Variants in OR14J1 observed in about 807,000 individuals in gnomAD.
OR14J1 encodes olfactory receptor family 14 subfamily J member 1.
For synonymous variants in OR14J1, 140 were observed against 146.7 expected, an observed-to-expected ratio of 0.95 and a Z score of 0.33; for missense variants, 378 against 393.4, an observed-to-expected ratio of 0.96 and a Z score of 0.33.
In OR14J1 at chr6:29,306,852, T is replaced by TC; in HGVS notation, c.168dup (p.Met57HisfsTer63). On this transcript the variant is annotated frameshift_variant, in exon 2 of 2. Coordinates refer to ENST00000641895, the MANE Select transcript of OR14J1 (RefSeq NM_030946.2). LOFTEE classifies it low-confidence loss of function (END_TRUNC). The stretch of plus-strand genomic sequence containing the variant: ...CATTACCGTGGACCGTCGTCTCCAT[T>TC]CCCCCATGTATTACTTTTTAAAGCA... The TC allele has an allele frequency of 6.2e-7, 1 of 1,613,060 alleles. No homozygotes were observed. The highest frequency in any genetic ancestry group is 8.5e-7 in the Non-Finnish European group (1 of 1,179,998).
In OR14J1 at chr6:29,311,754, T is replaced by A. The variant is rs1224691666; in HGVS notation, c.*4099T>A. On this transcript the variant is annotated 3_prime_UTR_variant, in exon 2 of 2. Transcript: ENST00000641895. ...CTGTCTGGTTCTGGGCTTTTCTTGGTTGGTAGGCTATTAACTACTACCTCC... is the reference window on the plus strand; with the variant it reads ...CTGTCTGGTTCTGGGCTTTTCTTGGATGGTAGGCTATTAACTACTACCTCC... The A allele has an allele frequency of 6.6e-6, 1 of 152,218 alleles. No homozygotes were observed. The highest frequency in any genetic ancestry group is 1.9e-4 in the East Asian group (1 of 5,202). The allele number at this position is 152,218 out of a possible 1,614,324, so 9.4% of individuals were successfully genotyped here.
Position 29,307,005 on chromosome 6 carries a change from G to A in OR14J1, c.316G>A (p.Ala106Thr). Residue 106 changes from alanine to threonine, a missense_variant, in exon 2 of 2, where the codon GCC becomes ACC. By Grantham distance (58) the Ala-to-Thr change is moderately conservative (BLOSUM62 0). Coordinates refer to ENST00000641895, the MANE Select transcript of OR14J1 (RefSeq NM_030946.2). ...TCAGGTTTTCTTCTTCATAGCTCTGGCCTCATCAGAAGTGGCCATTCTCAC... is the reference window on the plus strand; with the variant it reads ...TCAGGTTTTCTTCTTCATAGCTCTGACCTCATCAGAAGTGGCCATTCTCAC... ...ILQVFFFIALASSEVAILTVM... is the reference protein window; with the variant it reads ...ILQVFFFIALTSSEVAILTVM... 1 of 1,612,976 alleles carries A rather than the reference G, an allele frequency of 6.2e-7. No individual in the cohort carries two copies. The highest frequency in any genetic ancestry group is 1.7e-5 in the Admixed American group (1 of 60,012).
chr6:29,303,731 T>TATCTATC (rs1554297280), intron 1 of OR14J1, among the ~76,000 whole-genome samples: 1 of 146,778 alleles, frequency 6.8e-6, no homozygotes. Flanking sequence ...TCTATCTATC[T>TATCTATC]ATCATCTATC....
chr6:29,306,072 T>C (rs984305403), intron 1 of OR14J1, among the ~76,000 whole-genome samples: 1 of 152,216 alleles, frequency 6.6e-6, no homozygotes, highest in Non-Finnish European at 1.5e-5. Flanking sequence ...CATCTGCATT[T>C]TACAATTTTG....
In OR14J1 at chr6:29,307,120, T is replaced by C. The variant is rs781401620; in HGVS notation, c.431T>C (p.Ile144Thr). 2 of 1,612,952 alleles carry C rather than the reference T, an allele frequency of 1.2e-6. No individual in the cohort carries two copies. The highest frequency in any genetic ancestry group is 1.1e-5 in the South Asian group (1 of 91,080). Residue 144 changes from isoleucine (I) to threonine (T), a missense_variant, in exon 2 of 2, where the codon ATA (isoleucine) becomes ACA (threonine). Ile to Thr is a moderately conservative substitution (Grantham distance 89). Transcript: ENST00000641895. ...CCCCGTGCCTGTAGGCATGCAGTGATAGCTGTGTGGATTGCTGGGGGCCTC... is the reference window on the plus strand; with the variant it reads ...CCCCGTGCCTGTAGGCATGCAGTGACAGCTGTGTGGATTGCTGGGGGCCTC... ...MDPRACRHAV[I>T]AVWIAGGLSG...
rs1775233761 is a variant in OR14J1 at position 29,307,956 on chromosome 6, A to C, written c.*301A>C. On this transcript the variant is annotated 3_prime_UTR_variant, in exon 2 of 2. Transcript: ENST00000641895. Reference sequence around the variant, plus strand: ...TAACAAATAAGGTTGGAGATAGATGAAGCTAACTGGGTTAATATTATGGTG... The same window carrying C: ...TAACAAATAAGGTTGGAGATAGATGCAGCTAACTGGGTTAATATTATGGTG... 4.2e-6 allele frequency: 1 copy of C among 240,454 alleles called. No individual in the cohort carries two copies. The highest frequency in any genetic ancestry group is 9.9e-5 in the South Asian group (1 of 10,136). The allele number at this position is 240,454 out of a possible 1,614,324, so 14.9% of individuals were successfully genotyped here.
chr6:29,305,858 A>G (rs1002791118), intron 1 of OR14J1, among the ~76,000 whole-genome samples: 1 of 152,124 alleles, frequency 6.6e-6, no homozygotes, highest in Non-Finnish European at 1.5e-5. Context: ...ACAGCACTAG[A>G]AAGATATATA....
intron 1 of OR14J1, among the ~76,000 whole-genome samples, chr6:29,305,097 CCT>C (rs1243824790): frequency 6.6e-6 from 1 of 152,056 alleles, no homozygotes; most frequent in Non-Finnish European, 1.5e-5. Context: ...GAAAGTAACC[CCT>C]GTTTTCCTCT....
intron 1 of OR14J1, among the ~76,000 whole-genome samples, chr6:29,305,115 C>A (rs915835613): frequency 6.6e-6 from 1 of 152,104 alleles, no homozygotes; most frequent in Non-Finnish European, 1.5e-5. Flanking sequence ...CCTCTGATTC[C>A]TACTGCCATG....
rs1011038071 is a variant in OR14J1 at position 29,311,100 on chromosome 6, A to T, written c.*3445A>T. On this transcript the variant is annotated 3_prime_UTR_variant, in exon 2 of 2. Transcript: ENST00000641895. ...CTCTCTTTCTATTTGAATACCTTTT[A>T]TTTTTTTCTCTTGCCTGATTGCCCT... 6.6e-6 allele frequency: 1 copy of T among 151,862 alleles called. No homozygotes were observed. The highest frequency in any genetic ancestry group is 2.4e-5 in the African/African-American group (1 of 41,316). 9.4% of individuals were successfully genotyped at this position (151,862 alleles called of 1,614,324 possible).
At position 29,307,183 on chromosome 6, in the gene OR14J1, C is replaced by A; in HGVS notation, c.494C>A (p.Pro165His). The A allele has an allele frequency of 6.2e-7, 1 of 1,613,054 alleles. No homozygotes were observed. The highest frequency in any genetic ancestry group is 8.5e-7 in the Non-Finnish European group (1 of 1,180,018). Residue 165 changes from proline to histidine, a missense_variant, in exon 2 of 2, where the codon CCT (proline) becomes CAT (histidine). By Grantham distance (77) the Pro-to-His change is moderately conservative. Transcript: ENST00000641895. ...CATGCTGCCATTAACTTCTCCATACCTCTCTGTGGGAAGAGAGTCATTCAC... is the reference window on the plus strand; with the variant it reads ...CATGCTGCCATTAACTTCTCCATACATCTCTGTGGGAAGAGAGTCATTCAC... ...LMHAAINFSIPLCGKRVIHQF... is the reference protein window; with the variant it reads ...LMHAAINFSIHLCGKRVIHQF...
Position 29,310,042 on chromosome 6 carries a change from T to C in OR14J1, c.*2387T>C, listed in dbSNP as rs957671239. ...TTGTCAGATGGATAGATTACAAAAATTTTCTCCCATTCTGTAGGTTGCCTA... is the reference window on the plus strand; with the variant it reads ...TTGTCAGATGGATAGATTACAAAAACTTTCTCCCATTCTGTAGGTTGCCTA... On this transcript the variant is annotated 3_prime_UTR_variant, in exon 2 of 2. Coordinates refer to ENST00000641895, the MANE Select transcript of OR14J1 (RefSeq NM_030946.2). 5 of 152,152 alleles carry C rather than the reference T, an allele frequency of 3.3e-5. No individual in the cohort carries two copies. The highest frequency in any genetic ancestry group is 5.9e-5 in the Non-Finnish European group (4 of 68,030). 9.4% of individuals were successfully genotyped at this position (152,152 alleles called of 1,614,324 possible).
In OR14J1 at chr6:29,311,727, A is replaced by G. The variant is rs1251605781; in HGVS notation, c.*4072A>G. 1 of 152,118 alleles carries G rather than the reference A, an allele frequency of 6.6e-6. No homozygotes were observed. Among genetic ancestry groups the G allele is most frequent in the African/African-American group, 2.4e-5 (1 of 41,412 alleles). The allele number at this position is 152,118 out of a possible 1,614,324, so 9.4% of individuals were successfully genotyped here. On this transcript the variant is annotated 3_prime_UTR_variant, in exon 2 of 2. Transcript: ENST00000641895. ...TACTTGCGGTAGAATTCGTCTGTGA[A>G]TCTGTCTGGTTCTGGGCTTTTCTTG...
rs1775573188 is a variant in OR14J1 at position 29,312,251 on chromosome 6, A to G, written c.*4596A>G. On this transcript the variant is annotated 3_prime_UTR_variant, in exon 2 of 2. Coordinates refer to ENST00000641895, the MANE Select transcript of OR14J1 (RefSeq NM_030946.2). ...CTTTCTCCTGTGGGCATTTAGTGCT[A>G]TAAATTTCCCTTTAAACACTGCCTT... is the stretch of plus-strand genomic sequence containing the variant. The G allele has an allele frequency of 6.6e-6, 1 of 152,190 alleles. No individual in the cohort carries two copies. The highest frequency in any genetic ancestry group is 6.5e-5 in the Admixed American group (1 of 15,268). The allele number at this position is 152,190 out of a possible 1,614,324, so 9.4% of individuals were successfully genotyped here. A position where few individuals can be genotyped will look rare whatever the true frequency, so the allele number is the denominator to read the frequency against.
Position 29,311,481 on chromosome 6 carries a change from GC to G in OR14J1, c.*3827del, listed in dbSNP as rs2151200948. The G allele has an allele frequency of 6.6e-6, 1 of 152,312 alleles. No individual in the cohort carries two copies. Among genetic ancestry groups the G allele is most frequent in the African/African-American group, 2.4e-5 (1 of 41,564 alleles). 9.4% of individuals were successfully genotyped at this position (152,312 alleles called of 1,614,324 possible). On this transcript the variant is annotated 3_prime_UTR_variant, in exon 2 of 2. Transcript: ENST00000641895. The stretch of plus-strand genomic sequence containing the variant: ...AAGCTGACTTGATCATGGTAGATGA[GC>G]TTTTTGATGTGCTGCTGGATTCGGT...
In OR14J1 at chr6:29,312,961, G is replaced by A. The variant is rs1775631864; in HGVS notation, c.*5306G>A. 6.6e-6 allele frequency: 1 copy of A among 152,062 alleles called. No homozygotes were observed. Among genetic ancestry groups the A allele is most frequent in the Non-Finnish European group, 1.5e-5 (1 of 68,000 alleles). 9.4% of individuals were successfully genotyped at this position (152,062 alleles called of 1,614,324 possible). ...TCAACAAGGTTGAACATCTTTTCATGGACTTATTAGTTATTTGTGTGTCTT... is the reference window on the plus strand; with the variant it reads ...TCAACAAGGTTGAACATCTTTTCATAGACTTATTAGTTATTTGTGTGTCTT... On this transcript the variant is annotated 3_prime_UTR_variant, in exon 2 of 2. Transcript: ENST00000641895.
rs1261709925 is a variant in OR14J1 at position 29,308,890 on chromosome 6, ATACTT to A, written c.*1238_*1242del. On this transcript the variant is annotated 3_prime_UTR_variant, in exon 2 of 2. Transcript: ENST00000641895. ...ACATGAGATTTTTTCTTTTTTTTAT[ATACTT>A]TAAGCTCTGGGGTACATGTGCAGAA... 1 of 151,086 alleles carries A rather than the reference ATACTT, an allele frequency of 6.6e-6. No individual in the cohort carries two copies. The highest frequency in any genetic ancestry group is 1.5e-5 in the Non-Finnish European group (1 of 67,778). 9.4% of individuals were successfully genotyped at this position (151,086 alleles called of 1,614,324 possible).
chr6:29,304,803 A>T (rs758589101), intron 1 of OR14J1, among the ~76,000 whole-genome samples: 5 of 152,150 alleles, frequency 3.3e-5, no homozygotes, highest in Non-Finnish European at 7.4e-5. Flanking sequence ...AGAAACCTTA[A>T]TGGGGAGGCT....
In OR14J1 at chr6:29,309,208, T is replaced by G. The variant is rs1775330593; in HGVS notation, c.*1553T>G. On this transcript the variant is annotated 3_prime_UTR_variant, in exon 2 of 2. Transcript: ENST00000641895. ...TCCCTGCAAAGGACATGAAATCATC[T>G]TTTTTATGGCTGCATAGTATTCCAT... 1 of 152,136 alleles carries G rather than the reference T, an allele frequency of 6.6e-6. No individual in the cohort carries two copies. Among genetic ancestry groups the G allele is most frequent in the Non-Finnish European group, 1.5e-5 (1 of 68,054 alleles). 9.4% of individuals were successfully genotyped at this position (152,136 alleles called of 1,614,324 possible). A position where few individuals can be genotyped will look rare whatever the true frequency, so the allele number is the denominator to read the frequency against.
Sources: gnomAD v4.1 joint callset for allele counts (sites outside exome capture counted in the v4.1 genomes callset) on GRCh38, gnomAD v4.1.1 for gene constraint, MANE v1.5 for transcripts, NCBI Gene and HGNC (gene_info 2026-07-23, HGNC 2026-07-21) for gene names.